Variants in COA1 observed in about 807,000 individuals in gnomAD.
The protein encoded by COA1 is cytochrome c oxidase assembly factor 1.
COA1 carries 13 observed loss-of-function variants against 16.0 expected under a neutral mutation model. The observed-to-expected ratio is 0.81, with a 90% confidence interval of 0.53 to 1.29. The LOEUF (loss-of-function observed/expected upper bound fraction) is 1.29. Ranked by LOEUF, COA1 falls within the 50% of genes most tolerant of loss-of-function variation. The pLI, the probability that COA1 is intolerant of heterozygous loss-of-function variation, is 0.00. For missense variants in COA1, 179 were observed against 177.0 expected (o/e 1.01, Z -0.06); for synonymous variants, 65 against 65.7 (o/e 0.99, Z 0.05).
chr7:43,702,448 G>A (rs1048649715), intron 1 of COA1, among the ~76,000 whole-genome samples: 1 of 152,064 alleles, frequency 6.6e-6, no homozygotes, highest in Non-Finnish European at 1.5e-5. Flanking sequence ...TGTTCCATTG[G>A]TCTATGTGTC....
At chr7:43,633,274 C>G (rs2085347051) in intron 6 of COA1, 1 of 152,220 alleles carries the variant, frequency 6.6e-6, no homozygotes, top group Non-Finnish European at 1.5e-5. Flanking sequence ...GGCTTCTTTA[C>G]TTACATCTCA....
At chr7:43,627,323 A>ATT (rs1156661900) in intron 6 of COA1, among the ~76,000 whole-genome samples, 1 of 152,198 alleles carries the variant, frequency 6.6e-6, no homozygotes, top group Non-Finnish European at 1.5e-5. Flanking sequence ...AATCTCTTAA[A>ATT]TTTTTCCAGC....
intron 6 of COA1, among the ~76,000 whole-genome samples, chr7:43,618,890 G>A (rs2083590336): frequency 1.3e-5 from 2 of 152,128 alleles, no homozygotes; most frequent in Admixed American, 6.5e-5. Flanking sequence ...GGAAGTAGAT[G>A]AAATCGCTCC....
At chr7:43,685,122 A>AG (rs1439533041) in intron 1 of COA1, among the ~76,000 whole-genome samples, 2 of 150,996 alleles carry the variant, frequency 1.3e-5, no homozygotes, top group Non-Finnish European at 2.9e-5. Flanking sequence ...ATAATCCAGC[A>AG]GCCTGGGCAA....
chr7:43,709,000 A>G (rs1308303854), intron 1 of COA1, among the ~76,000 whole-genome samples: 2 of 150,998 alleles, frequency 1.3e-5, no homozygotes, highest in African/African-American at 2.4e-5. Flanking sequence ...GGTCACATAG[A>G]TATTTTCCTA....
intron 6 of COA1, among the ~76,000 whole-genome samples, chr7:43,624,150 A>T (rs1176359295): frequency 6.6e-6 from 1 of 152,230 alleles, no homozygotes; most frequent in African/African-American, 2.4e-5. Context: ...TTAAATATTA[A>T]TTAGCAAAAC....
intron 1 of COA1, among the ~76,000 whole-genome samples, chr7:43,728,456 G>C (rs2095665250): frequency 6.6e-6 from 1 of 152,156 alleles, no homozygotes; most frequent in Admixed American, 6.5e-5. Flanking sequence ...ATTAAAACTT[G>C]AGTAAACCAT....
At chr7:43,672,229 T>C (rs922707020) in intron 1 of COA1, among the ~76,000 whole-genome samples, 8 of 152,138 alleles carry the variant, frequency 5.3e-5, no homozygotes, top group Non-Finnish European at 1.0e-4. Flanking sequence ...GTAAGAAAAC[T>C]GCAGGCCAAG....
chr7:43,680,916 A>G (rs1328528018), intron 1 of COA1, among the ~76,000 whole-genome samples: 1 of 152,192 alleles, frequency 6.6e-6, no homozygotes, highest in African/African-American at 2.4e-5. Context: ...GGTTGCAGTG[A>G]GCAAAGATTG....
intron 1 of COA1, among the ~76,000 whole-genome samples, chr7:43,656,473 G>A (rs10271550): frequency 0.15 from 22,479 of 152,072 alleles, 2,248 homozygotes; most frequent in Non-Finnish European, 0.22. Flanking sequence ...CAAGGCAGGC[G>A]GATCACGAGG....
intron 1 of COA1, among the ~76,000 whole-genome samples, chr7:43,718,772 G>A (rs938689914): frequency 2.0e-5 from 3 of 152,050 alleles, no homozygotes; most frequent in Non-Finnish European, 4.4e-5. Flanking sequence ...AAATCTGATT[G>A]GTTCATAGTT....
chr7:43,622,466 T>A (rs376126037), intron 6 of COA1: 3 of 152,140 alleles, frequency 2.0e-5, no homozygotes, highest in Admixed American at 6.5e-5. Context: ...ATTACCACAG[T>A]TTTTAGTCTT....
At chr7:43,684,345 G>A (rs2093916103) in intron 1 of COA1, among the ~76,000 whole-genome samples, 1 of 152,128 alleles carries the variant, frequency 6.6e-6, no homozygotes, top group South Asian at 2.1e-4. Context: ...GAATGGGATT[G>A]GGGACCCCTG....
At chr7:43,644,733 G>C (rs2088365269) in intron 4 of COA1, among the ~76,000 whole-genome samples, 1 of 37,384 alleles carries the variant, frequency 2.7e-5, no homozygotes, top group Non-Finnish European at 5.9e-5. Context: ...TAGATAGATA[G>C]ATAGATAGAT....
exon 7 of COA1, chr7:43,608,848 G>A (rs1391299155): frequency 6.8e-6 from 1 of 147,874 alleles, no homozygotes; most frequent in Non-Finnish European, 1.5e-5. Flanking sequence ...ATGTCATGAA[G>A]ACATAGATGA....
intron 6 of COA1, chr7:43,623,163 G>T (rs991845557): frequency 6.3e-6 from 1 of 159,074 alleles, no homozygotes; most frequent in African/African-American, 2.4e-5. Context: ...GGGACAAGTA[G>T]TTGAAAAGGC....
intron 1 of COA1, among the ~76,000 whole-genome samples, chr7:43,672,105 G>C (rs1209176024): frequency 6.6e-6 from 1 of 152,036 alleles, no homozygotes; most frequent in African/African-American, 2.4e-5. Context: ...ACAAAGAAGA[G>C]CTAGTATGGA....
At chr7:43,657,118 T>C (rs938825798) in intron 1 of COA1, 2 of 152,222 alleles carry the variant, frequency 1.3e-5, no homozygotes, top group Non-Finnish European at 2.9e-5. Flanking sequence ...CCTTGCAAAG[T>C]ACAACATGTG....
chr7:43,617,900 GAC>G (rs780631232), intron 6 of COA1, among the ~76,000 whole-genome samples: 10 of 152,178 alleles, frequency 6.6e-5, no homozygotes, highest in Non-Finnish European at 1.3e-4. Flanking sequence ...AGAAAGCCAG[GAC>G]AGTGTTTTGT....
Sources: gnomAD v4.1 joint callset for allele counts (sites outside exome capture counted in the v4.1 genomes callset) on GRCh38, gnomAD v4.1.1 for gene constraint, MANE v1.5 for transcripts, NCBI Gene and HGNC (gene_info 2026-07-23, HGNC 2026-07-21) for gene names.